The following SAMD11 variants were observed in gnomAD, a reference collection of about 807,000 sequenced individuals.
SAMD11 encodes the protein sterile alpha motif domain-containing protein 11.
Under a neutral mutation model 64.4 loss-of-function variants are expected in SAMD11, and 77 were observed. The ratio of observed to expected loss-of-function variants is 1.20; its 90% confidence interval spans 0.99 to 1.44. SAMD11 has a LOEUF of 1.44. SAMD11 is among the 40% of genes most tolerant of loss of function. The pLI, the probability that SAMD11 is intolerant of heterozygous loss-of-function variation, is 0.00. For missense variants in SAMD11, 1,402 were observed against 943.3 expected (o/e 1.49, Z -6.37); for synonymous variants, 658 against 421.9 (o/e 1.56, Z -6.86).
At position 928,378 on chromosome 1, in the gene SAMD11, T is replaced by C. The variant is rs539950273; in HGVS notation, c.610-1777T>C. On this transcript the variant is annotated intron_variant, in intron 2 of 13. Transcript: ENST00000616016. ...CCGCACTCCAGCCTGGGCAACAGAG[T>C]GAGACTCCGTCTCAAAAAACTAAAA... Among the ~76,000 whole-genome samples the C allele has an allele frequency of 7.6e-4, 115 of 151,806 alleles. 1 individual carries two copies. The highest frequency in any genetic ancestry group is 1.2e-3 in the Non-Finnish European group (80 of 67,934).
At chr1:943,844 C>G (rs954889043) in intron 13 of SAMD11, 36 bp downstream of exon 13, 1 of 1,612,858 alleles carries the variant, frequency 6.2e-7, no homozygotes, top group African/African-American at 1.3e-5. Flanking sequence ...GGTCTCCAGA[C>G]CACAGCTGGG....
In SAMD11 at chr1:939,105, A is replaced by G. The variant is rs762852238; in HGVS notation, c.1033A>G (p.Arg345Gly). Residue 345 changes from arginine (R) to glycine (G), a missense_variant, in exon 6 of 14, where the codon AGG becomes GGG. Transcript: ENST00000616016. ...RISSDCFSEKRARSESPQEAL... is the reference protein window; with the variant it reads ...RISSDCFSEKGARSESPQEAL... ...CAGCAGCGACTGCTTTTCAGAGAAG[A>G]GGGCACGAAGCGAATCGCCTCAAGG... 1 of 1,602,204 alleles carries G rather than the reference A, an allele frequency of 6.2e-7. No individual in the cohort carries two copies. Among genetic ancestry groups the G allele is most frequent in the South Asian group, 1.1e-5 (1 of 88,618 alleles).
Position 943,057 on chromosome 1 carries a change from AGGTGG to A in SAMD11, c.2053+1_2053+5del, listed in dbSNP as rs1641891005. On this transcript the variant is annotated splice_donor_variant and splice_donor_region_variant and coding_sequence_variant and intron_variant, in exon 11 of 14. Transcript: ENST00000616016. LOFTEE classifies it high-confidence loss of function. ...ATGCCGTCAGCCCCTACTTCCACAC[AGGTGG>A]GCACCCCCACACTCTAGATCCTTCC... The A allele has an allele frequency of 3.3e-6, 5 of 1,533,618 alleles. No individual in the cohort carries two copies. In the East Asian group the frequency reaches 1.1e-4, roughly 35 times the overall value.
At chr1:941,700 G>T (rs1196257850) in intron 8 of SAMD11, among the ~76,000 whole-genome samples, 1 of 152,126 alleles carries the variant, frequency 6.6e-6, no homozygotes, top group Non-Finnish European at 1.5e-5. Flanking sequence ...CACAGACCCG[G>T]GTTTCTCGGG....
chr1:930,801 A>G (rs1051329844), intron 3 of SAMD11, among the ~76,000 whole-genome samples: 4 of 152,176 alleles, frequency 2.6e-5, no homozygotes, highest in African/African-American at 9.7e-5. Context: ...GTTCTTCCTG[A>G]TGCGTGTCTG....
intron 4 of SAMD11, 122 bp downstream of exon 4, chr1:931,211 G>T (rs1264363303): frequency 3.2e-6 from 3 of 933,906 alleles, no homozygotes; most frequent in African/African-American, 1.6e-5. Context: ...TGTGATGCTG[G>T]CTGAGTGTCT....
chr1:930,376 G>T (rs766042285), intron 3 of SAMD11, 40 bp downstream of exon 3: 2 of 1,552,758 alleles, frequency 1.3e-6, no homozygotes, highest in Non-Finnish European at 1.7e-6. Flanking sequence ...GCAAGGCTCA[G>T]ATGGGGCTGG....
At chr1:938,347 G>A (rs561044579) in intron 5 of SAMD11, among the ~76,000 whole-genome samples, 4 of 152,308 alleles carry the variant, frequency 2.6e-5, no homozygotes, top group East Asian at 1.9e-4. Context: ...GGCTGGCCTC[G>A]TGGCTGAGGA....
intron 2 of SAMD11, among the ~76,000 whole-genome samples, chr1:928,252 C>T (rs28403979): frequency 0.23 from 34,775 of 151,814 alleles, 7,295 homozygotes; most frequent in African/African-American, 0.56. Context: ...ATTAGCCGGG[C>T]GTGGTGGCGG....
At chr1:932,123 A>G (rs1338772466) in intron 4 of SAMD11, among the ~76,000 whole-genome samples, 1 of 152,138 alleles carries the variant, frequency 6.6e-6, no homozygotes, top group African/African-American at 2.4e-5. Flanking sequence ...ACTTATTTCT[A>G]CCTCATTTTG....
rs752640050 is a variant in SAMD11 at position 939,050 on chromosome 1, G to C, written c.978G>C (p.Leu326Phe). ...EIGLRPAGDL[L>F]GKRLGRSPRI... ...ACTACCCTCCCGCAGGTGACCTGTT[G>C]GGCAAGAGGCTGGGCCGCTCCCCCC... is the stretch of plus-strand genomic sequence containing the variant. Residue 326 changes from leucine (L) to phenylalanine (F), a missense_variant, in exon 6 of 14, where the codon TTG (leucine) becomes TTC (phenylalanine). By Grantham distance (22) the Leu-to-Phe change is conservative. Coordinates refer to ENST00000616016, the MANE Select transcript of SAMD11 (RefSeq NM_001385641.1). 1 of 1,602,194 alleles carries C rather than the reference G, an allele frequency of 6.2e-7. No homozygotes were observed. The highest frequency in any genetic ancestry group is 8.5e-7 in the Non-Finnish European group (1 of 1,174,782).
chr1:931,178 G>T, intron 4 of SAMD11, 89 bp downstream of exon 4: 3 of 1,194,770 alleles, frequency 2.5e-6, no homozygotes, highest in Non-Finnish European at 3.6e-6. Flanking sequence ...TCTGCTGTCC[G>T]CTGTCTCAGC....
At chr1:939,167 G>A in intron 6 of SAMD11, 38 bp downstream of exon 6, 3 of 1,557,350 alleles carry the variant, frequency 1.9e-6, no homozygotes, top group African/African-American at 1.4e-5. Flanking sequence ...GGTCACCAGG[G>A]GAGGGGGCAG....
chr1:939,220 G>A, intron 6 of SAMD11, 55 bp from the exon 7 acceptor site: 1 of 1,553,314 alleles, frequency 6.4e-7, no homozygotes, highest in Non-Finnish European at 8.7e-7. Flanking sequence ...CTCTAGAGGG[G>A]CGTGGTCCTC....
intron 5 of SAMD11, among the ~76,000 whole-genome samples, chr1:936,442 C>T (rs1430364655): frequency 1.4e-5 from 2 of 147,022 alleles, no homozygotes; most frequent in African/African-American, 2.7e-5. Context: ...TCGGTCCCGC[C>T]TTCTAGGGCT....
intron 8 of SAMD11, 140 bp from the exon 9 acceptor site, chr1:941,996 C>T (rs1021909885): frequency 8.4e-5 from 32 of 382,950 alleles, no homozygotes; most frequent in Non-Finnish European, 9.3e-6. Flanking sequence ...GCGGGGATGG[C>T]GCGCGACCTG....
rs2100356343 is a variant in SAMD11 at position 942,187 on chromosome 1, C to G, written c.1410C>G (p.Val470=). Residue 470 remains valine (V), a synonymous_variant, in exon 9 of 14, where the codon GTC becomes GTG. Transcript: ENST00000616016. ...TGTCGCCGCAGAATGCCCCTCACGT[C>G]GCCCTGGGCCCCCATCTCAGGCCCC... The part of the protein sequence containing the change: ...PLLSPQNAPH[V]ALGPHLRPPF... 7.1e-7 allele frequency: 1 copy of G among 1,401,218 alleles called. No individual in the cohort carries two copies. The highest frequency in any genetic ancestry group is 9.3e-7 in the Non-Finnish European group (1 of 1,075,950). The allele number at this position is 1,401,218 out of a possible 1,614,324, so 86.8% of individuals were successfully genotyped here.
intron 1 of SAMD11, 106 bp from the exon 2 acceptor site, chr1:925,816 G>A (rs1020047721): frequency 1.1e-5 from 9 of 789,924 alleles, no homozygotes; most frequent in Admixed American, 3.7e-5. Context: ...TGTGGGGTTC[G>A]GGGTGTATTT....
At chr1:931,134 C>G in intron 4 of SAMD11, 45 bp downstream of exon 4, 1 of 1,535,406 alleles carries the variant, frequency 6.5e-7, no homozygotes, top group East Asian at 2.3e-5. Context: ...CGTGACTCCC[C>G]TCCCTCCCTC....
Sources: gnomAD v4.1 joint callset for allele counts (sites outside exome capture counted in the v4.1 genomes callset) on GRCh38, gnomAD v4.1.1 for gene constraint, MANE v1.5 for transcripts, NCBI Gene and HGNC (gene_info 2026-07-23, HGNC 2026-07-21) for gene names.